Variants in ZZEF1 observed in about 807,000 individuals in gnomAD.
ZZEF1 encodes zinc finger ZZ-type and EF-hand domain containing 1.
ZZEF1 carries 157 observed loss-of-function variants against 342.8 expected under a neutral mutation model. That is an observed-to-expected ratio of 0.46 (90% CI 0.40 to 0.52). The LOEUF is 0.52. ZZEF1 is among the 20% of genes least tolerant of loss of function. The pLI, the probability that ZZEF1 is intolerant of heterozygous loss-of-function variation, is 0.00. For synonymous variants in ZZEF1, 1,505 were observed against 1,429.1 expected (o/e 1.05, Z -1.20); for missense variants, 3,480 against 3,725.6 (o/e 0.93, Z 1.72).
intron 1 of ZZEF1, among the ~76,000 whole-genome samples, chr17:4,133,234 G>A (rs35977026): frequency 0.13 from 19,925 of 152,088 alleles, 1,506 homozygotes; most frequent in East Asian, 0.18. Context: ...GCCAGGCACC[G>A]AGCAGAGCAT....
At position 4,074,499 on chromosome 17, in the gene ZZEF1, G is replaced by C. The variant is rs113706788; in HGVS notation, c.3484-148C>G. 2.2e-3 allele frequency: 1,807 copies of C among 831,218 alleles called. 26 individuals carry two copies. The African/African-American group carries it at 0.027, about 12-fold the overall frequency. 51.5% of individuals were successfully genotyped at this position (831,218 alleles called of 1,614,324 possible). A position where few individuals can be genotyped will look rare whatever the true frequency, so the allele number is the denominator to read the frequency against. On this transcript the variant is annotated intron_variant, in intron 23 of 54. Coordinates refer to ENST00000381638, the MANE Select transcript of ZZEF1 (RefSeq NM_015113.4). ...AATGACTAACGGAGAAATGTACAAA[G>C]GGGTGACGGAAACAGACCATTCACA...
rs558943622 is a variant in ZZEF1, at chr17:4,080,808, T to C, written c.2829+568A>G. Among the ~76,000 whole-genome samples, 38 of 152,332 alleles carry C rather than the reference T, an allele frequency of 2.5e-4. No individual in the cohort carries two copies. The South Asian group carries it at 7.7e-3, about 31-fold the overall frequency. On this transcript the variant is annotated intron_variant, in intron 18 of 54. Transcript: ENST00000381638. ...GGGACTTGATATAAATCCATTCCTC[T>C]TTTTCCACAGGAAGCATTATCGAGC...
intron 11 of ZZEF1, among the ~76,000 whole-genome samples, chr17:4,093,767 A>G (rs571224957): frequency 6.6e-6 from 1 of 152,182 alleles, no homozygotes; most frequent in Non-Finnish European, 1.5e-5. Context: ...GAAATAATGC[A>G]GGCAAGTTCA....
At chr17:4,082,932 C>T (rs566637587) in intron 16 of ZZEF1, among the ~76,000 whole-genome samples, 3 of 152,232 alleles carry the variant, frequency 2.0e-5, no homozygotes, top group South Asian at 2.1e-4. Context: ...CCCACTACCA[C>T]GCCTGGCTAA....
At chr17:4,048,507 G>T (rs950945201) in intron 37 of ZZEF1, among the ~76,000 whole-genome samples, 2 of 152,120 alleles carry the variant, frequency 1.3e-5, no homozygotes, top group Non-Finnish European at 2.9e-5. Flanking sequence ...CAGCATCATA[G>T]AAACAATGGC....
chr17:4,100,268 T>C (rs1251230413), intron 9 of ZZEF1, among the ~76,000 whole-genome samples: 1 of 152,170 alleles, frequency 6.6e-6, no homozygotes, highest in Non-Finnish European at 1.5e-5. Flanking sequence ...CTTTTTGCAG[T>C]GCAGCAAGAG....
rs2057927981 is a variant in ZZEF1, at chr17:4,090,787, C to T, written c.1957G>A (p.Gly653Ser). The change falls in exon 12 of 55, where the codon GGC becomes AGC. Residue 653 changes from glycine to serine, a missense_variant. Coordinates refer to ENST00000381638, the MANE Select transcript of ZZEF1 (RefSeq NM_015113.4). ...SDDLGEDDPI[G>S]WFELEEEWDE... Reference sequence around the variant, plus strand: ...CATTCTTCTTCCAGTTCAAACCAGCCAATAGGATCATCCTCTCCAAGGTCA... The same window carrying T: ...CATTCTTCTTCCAGTTCAAACCAGCTAATAGGATCATCCTCTCCAAGGTCA... 2 of 1,614,024 alleles carry T rather than the reference C, an allele frequency of 1.2e-6. No homozygotes were observed. The highest frequency in any genetic ancestry group is 2.2e-5 in the South Asian group (2 of 91,096).
At chr17:4,059,402 G>A in intron 30 of ZZEF1, 112 bp from the exon 31 acceptor site, 6 of 1,354,854 alleles carry the variant, frequency 4.4e-6, no homozygotes, top group South Asian at 1.4e-5. Context: ...TGAGCAAAGC[G>A]GCACAGGAAC....
intron 43 of ZZEF1, 109 bp from the exon 44 acceptor site, chr17:4,022,937 C>T: frequency 2.1e-6 from 3 of 1,409,926 alleles, no homozygotes; most frequent in Middle Eastern, 1.9e-4. Flanking sequence ...GTCCATTCAA[C>T]ACATACTTTT....
chr17:4,114,400 A>G lies in ZZEF1; in HGVS notation c.765T>C (p.Tyr255=), dbSNP rs1418599483. 1.2e-6 allele frequency: 2 copies of G among 1,612,026 alleles called. No homozygotes were observed. Among genetic ancestry groups the G allele is most frequent in the Non-Finnish European group, 1.7e-6 (2 of 1,179,124 alleles). The change falls in exon 4 of 55, where the codon TAT becomes TAC. Residue 255 remains tyrosine (Y), a synonymous_variant. Coordinates refer to ENST00000381638, the MANE Select transcript of ZZEF1 (RefSeq NM_015113.4). ...KLKSVAKCYA[Y]IETSSNSADI... is the part of the protein sequence containing the mutation. ...CTGCCGAGTTGGAGGATGTTTCTAT[A>G]TAAGCATAGCACTTTGCTACTGACT...
intron 2 of ZZEF1, among the ~76,000 whole-genome samples, chr17:4,121,961 T>C (rs529497035): frequency 6.6e-6 from 1 of 152,148 alleles, no homozygotes; most frequent in African/African-American, 2.4e-5. Context: ...AAGCAATCCT[T>C]CCACTTCGGC....
At chr17:4,076,836 G>GT (rs2057631853) in intron 20 of ZZEF1, 32 bp downstream of exon 20, 1 of 1,613,716 alleles carries the variant, frequency 6.2e-7, no homozygotes, top group Non-Finnish European at 8.5e-7. Context: ...CCCCCTTCCG[G>GT]TTCTTTACAA....
rs535431949 is a variant in ZZEF1 at position 4,016,982 on chromosome 17, G to A, written c.8001+389C>T. ...GGCTGCAAGGCCGGGAAAAGACCTC[G>A]AGGTCTGGTGGTGTTCTCAGATGGA... On this transcript the variant is annotated intron_variant, in intron 48 of 54. Coordinates refer to ENST00000381638, the MANE Select transcript of ZZEF1 (RefSeq NM_015113.4). The surrounding 1 kb of genome is among the most constrained non-coding windows in gnomAD (Gnocchi z 4.4). 9 of 201,118 alleles carry A rather than the reference G, an allele frequency of 4.5e-5. No homozygotes were observed. The East Asian group carries it at 9.8e-4, about 22-fold the overall frequency. 12.5% of individuals were successfully genotyped at this position (201,118 alleles called of 1,614,324 possible). A position where few individuals can be genotyped will look rare whatever the true frequency, so the allele number is the denominator to read the frequency against.
chr17:4,137,447 TA>T (rs572273522), intron 1 of ZZEF1, among the ~76,000 whole-genome samples: 1,590 of 152,062 alleles, frequency 0.01, 28 homozygotes, highest in African/African-American at 0.037. Flanking sequence ...CGTCTCTTAC[TA>T]AAAAACACAA....
At chr17:4,136,230 G>A (rs1214761450) in intron 1 of ZZEF1, among the ~76,000 whole-genome samples, 1 of 150,054 alleles carries the variant, frequency 6.7e-6, no homozygotes, top group East Asian at 2.0e-4. Context: ...TGTAATCCCA[G>A]CTAATCGGGA....
chr17:4,076,137 C>CTTTCTTTTTTTTT (rs1555599391), intron 21 of ZZEF1: 2 of 122,190 alleles, frequency 1.6e-5, no homozygotes, highest in Non-Finnish European at 3.4e-5. Flanking sequence ...CGTCTCCTTT[C>CTTTCTTTTTTTTT]TTTTTTTTTT....
intron 37 of ZZEF1, among the ~76,000 whole-genome samples, chr17:4,046,239 ATCAGGAG>A (rs549371587): frequency 4.3e-4 from 66 of 152,320 alleles, no homozygotes; most frequent in African/African-American, 1.5e-3. Context: ...CTTTTCTAGA[ATCAGGAG>A]TCTAGTGGTG....
At chr17:4,077,779 AG>A in intron 19 of ZZEF1, 103 bp downstream of exon 19, 1 of 1,211,634 alleles carries the variant, frequency 8.3e-7, no homozygotes, top group Non-Finnish European at 1.2e-6. Flanking sequence ...ATCGTAATGA[AG>A]AAAGCCATAT....
intron 33 of ZZEF1, among the ~76,000 whole-genome samples, chr17:4,055,952 T>C (rs995553667): frequency 2.0e-5 from 3 of 152,226 alleles, no homozygotes; most frequent in Non-Finnish European, 4.4e-5. Flanking sequence ...ATGCCTCGCA[T>C]GCGCGGTTTA....
Sources: allele counts gnomAD v4.1 joint callset (sites outside exome capture counted in the v4.1 genomes callset), GRCh38; gene constraint gnomAD v4.1.1; non-coding constraint Gnocchi (gnomAD v3.1); transcripts MANE v1.5; gene names NCBI Gene and HGNC (gene_info 2026-07-23, HGNC 2026-07-21).